ADGRL3: variants seen among roughly 807,000 people sequenced by gnomAD.
ADGRL3 encodes the protein adhesion G protein-coupled receptor L3, also known as calcium-independent alpha-latrotoxin receptor 3.
In ADGRL3, 62 loss-of-function variants were observed where a neutral mutation model predicts 153.5. That is an observed-to-expected ratio of 0.40 (90% CI 0.33 to 0.50). ADGRL3 has a LOEUF of 0.50. Ranked by LOEUF, ADGRL3 falls within the 20% of genes least tolerant of loss-of-function variation. The pLI is 0.47. For synonymous variants in ADGRL3, 710 were observed against 672.5 expected (o/e 1.06, Z -0.86); for missense variants, 1,641 against 1,859.4 (o/e 0.88, Z 2.16).
At chr4:61,810,386 C>T (rs2097599212) in intron 8 of ADGRL3, among the ~76,000 whole-genome samples, 2 of 152,140 alleles carry the variant, frequency 1.3e-5, no homozygotes, top group Non-Finnish European at 2.9e-5. Flanking sequence ...TCAGTTTTCT[C>T]ATCCTAAAAT....
rs2098078080 is a variant in ADGRL3 at position 61,844,159 on chromosome 4, T to C, written c.1480+30270T>C. 2.6e-5 allele frequency among the ~76,000 whole-genome samples: 4 copies of C among 152,266 alleles called. No homozygotes were observed. The South Asian group carries it at 8.3e-4, about 32-fold the overall frequency. Reference sequence around the variant, plus strand: ...TATCTTTGCTTCCTATTTGTTTTTTTCTTTCTATACTGGTCTTACCAGAAT... The same window carrying C: ...TATCTTTGCTTCCTATTTGTTTTTTCCTTTCTATACTGGTCTTACCAGAAT... On this transcript the variant is annotated intron_variant, in intron 9 of 26. Transcript: ENST00000683033.
At chr4:61,395,970 T>C (rs1276769835) in intron 2 of ADGRL3, among the ~76,000 whole-genome samples, 1 of 152,058 alleles carries the variant, frequency 6.6e-6, no homozygotes, top group Non-Finnish European at 1.5e-5. Flanking sequence ...AATGAATGAA[T>C]GGAGTCTCCA....
chr4:61,575,501 A>G (rs2098869519), intron 4 of ADGRL3, among the ~76,000 whole-genome samples: 1 of 151,866 alleles, frequency 6.6e-6, no homozygotes, highest in African/African-American at 2.4e-5. Context: ...TCTTGTGGAC[A>G]TTTTGGGGTT....
intron 5 of ADGRL3, among the ~76,000 whole-genome samples, chr4:61,672,194 C>A (rs10026085): frequency 0.99 from 151,151 of 152,230 alleles, 75,055 homozygotes; most frequent in Middle Eastern, 1. Context: ...TAGGTTTTAC[C>A]TGTAAATCTT....
chr4:61,365,870 A>G (rs2096385754), intron 1 of ADGRL3, among the ~76,000 whole-genome samples: 1 of 152,218 alleles, frequency 6.6e-6, no homozygotes, highest in African/African-American at 2.4e-5. Context: ...AACATTTTCA[A>G]CACATGATGA....
At chr4:61,331,828 A>G (rs1157476855) in intron 1 of ADGRL3, among the ~76,000 whole-genome samples, 1 of 152,074 alleles carries the variant, frequency 6.6e-6, no homozygotes, top group Non-Finnish European at 1.5e-5. Flanking sequence ...TTTCTAATAT[A>G]AATGCATGCA....
chr4:61,965,079 T>C (rs1315057226), intron 17 of ADGRL3, among the ~76,000 whole-genome samples: 3 of 152,098 alleles, frequency 2.0e-5, no homozygotes, highest in African/African-American at 7.2e-5. Flanking sequence ...TGGTTCACCA[T>C]AGCCTTGACC....
chr4:61,309,937 A>G (rs934885037), intron 1 of ADGRL3, among the ~76,000 whole-genome samples: 1 of 151,874 alleles, frequency 6.6e-6, no homozygotes, highest in African/African-American at 2.4e-5. Flanking sequence ...TGTATAAGGA[A>G]CTCACTCACT....
intron 9 of ADGRL3, among the ~76,000 whole-genome samples, chr4:61,870,491 G>T (rs2098437272): frequency 6.6e-6 from 1 of 152,236 alleles, no homozygotes; most frequent in African/African-American, 2.4e-5. Flanking sequence ...GTGCTTAAAA[G>T]ACACTGGCAC....
In ADGRL3 at chr4:61,643,458, G is replaced by A. The variant is rs1162028651; in HGVS notation, c.474-33368G>A. On this transcript the variant is annotated intron_variant, in intron 5 of 26. Transcript: ENST00000683033. ...GATAGCTCTTATTATTTTGAAATAC[G>A]TCCCATCAATACCTAATTTATTGAG... Among the ~76,000 whole-genome samples the A allele has an allele frequency of 7.5e-4, 114 of 151,834 alleles. 1 individual carries two copies. The South Asian group carries it at 1.0e-2, about 13-fold the overall frequency.
At chr4:61,987,612 A>C (rs1389116891) in intron 19 of ADGRL3, among the ~76,000 whole-genome samples, 1 of 152,188 alleles carries the variant, frequency 6.6e-6, no homozygotes, top group Non-Finnish European at 1.5e-5. Flanking sequence ...TTTAAATATG[A>C]AAATGTATAG....
At chr4:61,961,396 T>TTTA (rs1488253363) in intron 17 of ADGRL3, among the ~76,000 whole-genome samples, 1 of 152,160 alleles carries the variant, frequency 6.6e-6, no homozygotes, top group African/African-American at 2.4e-5. Flanking sequence ...ATGAGTATAA[T>TTTA]GGGAGAATTG....
chr4:61,389,312 A>C (rs1195898556), intron 2 of ADGRL3, among the ~76,000 whole-genome samples: 1 of 152,174 alleles, frequency 6.6e-6, no homozygotes, highest in Non-Finnish European at 1.5e-5. Flanking sequence ...AGTGAGAGAA[A>C]AGTTGAAATC....
intron 1 of ADGRL3, among the ~76,000 whole-genome samples, chr4:61,205,088 A>G (rs1736505121): frequency 6.6e-6 from 1 of 152,196 alleles, no homozygotes; most frequent in Non-Finnish European, 1.5e-5. Flanking sequence ...TTGATTTACC[A>G]TTGATTCCTT....
At chr4:61,358,510 T>C (rs1315977671) in intron 1 of ADGRL3, among the ~76,000 whole-genome samples, 1 of 142,896 alleles carries the variant, frequency 7.0e-6, no homozygotes, top group East Asian at 2.1e-4. Context: ...GGCAGGAGAA[T>C]GGCGTGAACT....
intron 2 of ADGRL3, among the ~76,000 whole-genome samples, chr4:61,471,265 A>T (rs1250572890): frequency 6.6e-6 from 1 of 151,736 alleles, no homozygotes; most frequent in African/African-American, 2.4e-5. Context: ...GTGTTTTTTT[A>T]AAAGCCTCCT....
intron 1 of ADGRL3, among the ~76,000 whole-genome samples, chr4:61,278,035 T>G (rs1384491769): frequency 1.3e-5 from 2 of 152,152 alleles, no homozygotes; most frequent in Non-Finnish European, 2.9e-5. Flanking sequence ...ATTTCCAAAG[T>G]GCTGGTCAGG....
intron 6 of ADGRL3, among the ~76,000 whole-genome samples, chr4:61,693,105 T>TA (rs952681020): frequency 6.3e-4 from 96 of 152,112 alleles, no homozygotes; most frequent in African/African-American, 2.1e-3. Context: ...AATAGGTTTT[T>TA]TTATTATTAT....
intron 3 of ADGRL3, among the ~76,000 whole-genome samples, chr4:61,500,239 A>C (rs2098372193): frequency 6.6e-6 from 1 of 152,198 alleles, no homozygotes; most frequent in South Asian, 2.1e-4. Flanking sequence ...GGACAAAACA[A>C]TATAGAAGCT....
Sources: gnomAD v4.1 joint callset for allele counts (sites outside exome capture counted in the v4.1 genomes callset) on GRCh38, gnomAD v4.1.1 for gene constraint, MANE v1.5 for transcripts, NCBI Gene and HGNC (gene_info 2026-07-23, HGNC 2026-07-21) for gene names.